The following DLGAP4 variants were observed in gnomAD, a reference collection of about 807,000 sequenced individuals.
DLGAP4 encodes the protein DLG associated protein 4.
In DLGAP4, 18 loss-of-function variants were observed where a neutral mutation model predicts 86.9. The observed-to-expected ratio is 0.21, with a 90% CI of 0.14 to 0.31. The LOEUF (loss-of-function observed/expected upper bound fraction) is 0.31, where lower values mean the gene tolerates loss of function less well. Among genes scored for constraint, DLGAP4 ranks in the 10% least tolerant of loss-of-function variants. The pLI is 1.00. For missense variants in DLGAP4, 1,085 were observed against 1,362.6 expected, an observed-to-expected ratio of 0.80 and a Z score of 3.21; for synonymous variants, 548 against 574.3, an observed-to-expected ratio of 0.95 and a Z score of 0.65.
rs1223494085 is a variant in DLGAP4 at position 36,528,152 on chromosome 20, T to C, written c.*1121T>C. Reference sequence around the variant, plus strand: ...TAAGCAGCCCTTTTTTTTTTTGGTCTCCACCCCCCTCCCCCCGCCCCGCAC... The same window carrying C: ...TAAGCAGCCCTTTTTTTTTTTGGTCCCCACCCCCCTCCCCCCGCCCCGCAC... On this transcript the variant is annotated 3_prime_UTR_variant, in exon 13 of 13. Transcript: ENST00000339266. The C allele has an allele frequency of 3.4e-5, 5 of 148,600 alleles. No homozygotes were observed. Among genetic ancestry groups the C allele is most frequent in the African/African-American group, 7.6e-5 (3 of 39,562 alleles). The allele number at this position is 148,600 out of a possible 1,614,324, so 9.2% of individuals were successfully genotyped here.
rs371694233 is a variant in DLGAP4 at position 36,402,942 on chromosome 20, C to A, written c.-72-28704C>A. On this transcript the variant is annotated intron_variant, in intron 2 of 12. Coordinates refer to ENST00000339266, the MANE Select transcript of DLGAP4 (RefSeq NM_001365621.2). ...ATTACTTCCTCTTTGCCACTCAACT[C>A]TGTGATAATCTAGTACATGGCTTAA... Among the ~76,000 whole-genome samples, 5 of 152,224 alleles carry A rather than the reference C, an allele frequency of 3.3e-5. No homozygotes were observed. The East Asian group carries it at 9.6e-4, about 29-fold the overall frequency.
chr20:36,388,163 T>C (rs1039534916), intron 2 of DLGAP4, among the ~76,000 whole-genome samples: 2 of 152,206 alleles, frequency 1.3e-5, no homozygotes, highest in Non-Finnish European at 2.9e-5. Context: ...TGTGGCTTGA[T>C]ATCTGGTAGG....
At chr20:36,321,596 A>T (rs987924451) in intron 1 of DLGAP4, among the ~76,000 whole-genome samples, 28 of 152,232 alleles carry the variant, frequency 1.8e-4, no homozygotes, top group African/African-American at 6.8e-4. Flanking sequence ...AGCGCGTTTC[A>T]TCTGCGCCCG....
chr20:36,496,580 G>A lies in DLGAP4; in HGVS notation c.1649-125G>A, dbSNP rs963234195. On this transcript the variant is annotated intron_variant, in intron 7 of 12. Coordinates refer to ENST00000339266, the MANE Select transcript of DLGAP4 (RefSeq NM_001365621.2). ...TTCTCCCTGCTCCAGAAATCCTTGC[G>A]GACGGAATGGCTAAGCCCAGAGCTA... The A allele has an allele frequency of 6.6e-5, 94 of 1,429,320 alleles. No homozygotes were observed. The East Asian group carries it at 1.8e-3, about 27-fold the overall frequency. The allele number at this position is 1,429,320 out of a possible 1,614,324, so 88.5% of individuals were successfully genotyped here. A position where few individuals can be genotyped will look rare whatever the true frequency, so the allele number is the denominator to read the frequency against.
At chr20:36,417,141 G>A (rs1280715029) in intron 2 of DLGAP4, among the ~76,000 whole-genome samples, 2 of 152,116 alleles carry the variant, frequency 1.3e-5, no homozygotes, top group Non-Finnish European at 2.9e-5. Context: ...CGCAGTGGGA[G>A]GGAGGTGACT....
At chr20:36,400,935 G>C (rs375824848) in intron 2 of DLGAP4, among the ~76,000 whole-genome samples, 1 of 152,092 alleles carries the variant, frequency 6.6e-6, no homozygotes, top group African/African-American at 2.4e-5. Context: ...AGAGGTGAGG[G>C]GCAATGTGCT....
intron 7 of DLGAP4, among the ~76,000 whole-genome samples, chr20:36,488,709 C>A (rs2035529616): frequency 6.6e-6 from 1 of 151,992 alleles, no homozygotes; most frequent in Non-Finnish European, 1.5e-5. Flanking sequence ...TCCCAAATAG[C>A]TGGGACTACA....
In DLGAP4 at chr20:36,431,882, T is replaced by C. The variant is rs2033140221; in HGVS notation, c.165T>C (p.Asp55=). The change falls in exon 3 of 13, where the codon GAT becomes GAC. Residue 55 remains aspartate, a synonymous_variant. Coordinates refer to ENST00000339266, the MANE Select transcript of DLGAP4 (RefSeq NM_001365621.2). The surrounding 1 kb of genome is among the most constrained non-coding windows in gnomAD (Gnocchi z 5.1). ...CCGGGCAGAACACCCTGCCAGGAGATGGCCTCTTTCCCCTCAACAACCAGC... is the reference window on the plus strand; with the variant it reads ...CCGGGCAGAACACCCTGCCAGGAGACGGCCTCTTTCCCCTCAACAACCAGC... ...RFPGQNTLPG[D]GLFPLNNQLP... 1 of 1,614,080 alleles carries C rather than the reference T, an allele frequency of 6.2e-7. No homozygotes were observed. Among genetic ancestry groups the C allele is most frequent in the East Asian group, 2.2e-5 (1 of 44,876 alleles).
In DLGAP4 at chr20:36,439,737, TC is replaced by T; in HGVS notation, c.1242-13del. The T allele has an allele frequency of 6.2e-7, 1 of 1,607,208 alleles. No individual in the cohort carries two copies. ...AATGGGTGGGCTGAGCCCTGTCTGC[TC>T]CCCACTCCCCACCAGGAGTCTGGAC... On this transcript the variant is annotated splice_polypyrimidine_tract_variant and intron_variant, in intron 4 of 12. Coordinates refer to ENST00000339266, the MANE Select transcript of DLGAP4 (RefSeq NM_001365621.2).
chr20:36,499,709 C>G (rs367599235), intron 9 of DLGAP4, 33 bp downstream of exon 9: 2 of 1,562,404 alleles, frequency 1.3e-6, no homozygotes, highest in Non-Finnish European at 1.8e-6. Flanking sequence ...CTGCTTCTCC[C>G]CTCTCCTCTC....
chr20:36,372,011 G>A (rs960598799), intron 2 of DLGAP4, among the ~76,000 whole-genome samples: 2 of 152,158 alleles, frequency 1.3e-5, no homozygotes, highest in Non-Finnish European at 2.9e-5. Flanking sequence ...CCACCTCAAT[G>A]GGATAAGGCA....
chr20:36,318,106 T>TCACACACACACACACACA (rs1156543199), intron 1 of DLGAP4, among the ~76,000 whole-genome samples: 1 of 139,150 alleles, frequency 7.2e-6, no homozygotes, highest in African/African-American at 2.8e-5. Flanking sequence ...ATGTGTCCTC[T>TCACACACACACACACACA]CACACACACA....
In DLGAP4 at chr20:36,439,938, C is replaced by T. The variant is rs550445033; in HGVS notation, c.1356+70C>T. 10 of 1,355,788 alleles carry T rather than the reference C, an allele frequency of 7.4e-6. No homozygotes were observed. In the African/African-American group the frequency reaches 1.0e-4, roughly 14 times the overall value. The allele number at this position is 1,355,788 out of a possible 1,614,324, so 84.0% of individuals were successfully genotyped here. The stretch of plus-strand genomic sequence containing the variant: ...GATTCCCATCTGGGAGGAGGACACA[C>T]GCCCAGGCCCAGCCCATGCTGAGTG... On this transcript the variant is annotated intron_variant, in intron 5 of 12. Coordinates refer to ENST00000339266, the MANE Select transcript of DLGAP4 (RefSeq NM_001365621.2).
intron 7 of DLGAP4, among the ~76,000 whole-genome samples, chr20:36,475,698 C>G (rs1362970900): frequency 2.0e-5 from 3 of 152,104 alleles, no homozygotes; most frequent in Admixed American, 6.6e-5. Context: ...ACAGTTAACT[C>G]AAATCAGAAA....
intron 4 of DLGAP4, among the ~76,000 whole-genome samples, chr20:36,437,875 G>A (rs2033332486): frequency 6.6e-6 from 1 of 152,148 alleles, no homozygotes; most frequent in Non-Finnish European, 1.5e-5. Context: ...ACAATCCCAG[G>A]TCTGCCCTTT....
chr20:36,411,379 C>G (rs1000413139), intron 2 of DLGAP4, among the ~76,000 whole-genome samples: 1 of 152,196 alleles, frequency 6.6e-6, no homozygotes, highest in East Asian at 1.9e-4. Flanking sequence ...GCTGTGTTCA[C>G]TTTACAGTAC....
At chr20:36,491,293 G>C (rs961490266) in intron 7 of DLGAP4, among the ~76,000 whole-genome samples, 21 of 152,140 alleles carry the variant, frequency 1.4e-4, no homozygotes, top group African/African-American at 5.1e-4. Context: ...GATAAAGGAA[G>C]CTTCTCTAGA....
At chr20:36,372,173 T>C (rs775387489) in intron 2 of DLGAP4, among the ~76,000 whole-genome samples, 7 of 152,186 alleles carry the variant, frequency 4.6e-5, no homozygotes, top group Non-Finnish European at 8.8e-5. Flanking sequence ...TAGAAACATG[T>C]GGAGGGCTAG....
chr20:36,445,804 C>A (rs1361026904), intron 6 of DLGAP4, among the ~76,000 whole-genome samples: 2 of 152,180 alleles, frequency 1.3e-5, no homozygotes, highest in East Asian at 1.9e-4. Flanking sequence ...CAACTGACCC[C>A]CCAGCTTATC....
Sources: allele counts gnomAD v4.1 joint callset (sites outside exome capture counted in the v4.1 genomes callset), GRCh38; gene constraint gnomAD v4.1.1; non-coding constraint Gnocchi (gnomAD v3.1); transcripts MANE v1.5; gene names NCBI Gene and HGNC (gene_info 2026-07-23, HGNC 2026-07-21).